Variants in ERBIN observed in about 807,000 individuals in gnomAD.
ERBIN encodes densin-180-like protein.
A neutral mutation model predicts 158.4 loss-of-function variants in ERBIN; 60 were observed. That is an observed-to-expected ratio of 0.38 (90% CI 0.31 to 0.47). The LOEUF is 0.47. Ranked by LOEUF, ERBIN falls within the 20% of genes least tolerant of loss-of-function variation. The probability of loss-of-function intolerance (pLI) is 0.99; values close to 1 mark genes in which losing one functional copy is unlikely to be tolerated. For missense variants in ERBIN, 1,610 were observed against 1,648.0 expected (o/e 0.98, Z 0.40); for synonymous variants, 594 against 557.2 (o/e 1.07, Z -0.93).
At position 66,006,343 on chromosome 5, in the gene ERBIN, T is replaced by G. The variant is rs564095137; in HGVS notation, c.308-5706T>G. On this transcript the variant is annotated intron_variant, in intron 4 of 25. Transcript: ENST00000284037. ...GCTGGGAAAACTGGCTAGCCATATG[T>G]AGAAAGCTGAAACTGGATCCCTTCC... 8.7e-4 allele frequency among the ~76,000 whole-genome samples: 133 copies of G among 152,302 alleles called. 1 individual carries two copies. Among genetic ancestry groups the G allele is most frequent in the Middle Eastern group, 3.4e-3 (1 of 294 alleles).
chr5:66,068,676 T>C (rs1160460242), intron 21 of ERBIN, among the ~76,000 whole-genome samples: 4 of 152,240 alleles, frequency 2.6e-5, no homozygotes, highest in African/African-American at 9.6e-5. Context: ...TGGTTGTATT[T>C]ACGTGTAATT....
At chr5:65,957,238 A>G (rs1373348806) in intron 1 of ERBIN, among the ~76,000 whole-genome samples, 4 of 146,016 alleles carry the variant, frequency 2.7e-5, no homozygotes, top group East Asian at 2.0e-4. Context: ...TATTTTTTTT[A>G]TTGATCATTC....
At chr5:66,046,739 C>T (rs1018859983) in intron 18 of ERBIN, among the ~76,000 whole-genome samples, 5 of 151,988 alleles carry the variant, frequency 3.3e-5, no homozygotes, top group South Asian at 2.1e-4. Flanking sequence ...GATGTTTATG[C>T]GAATTAGATT....
At chr5:65,964,860 C>T (rs981142244) in intron 1 of ERBIN, among the ~76,000 whole-genome samples, 2 of 150,500 alleles carry the variant, frequency 1.3e-5, no homozygotes, top group African/African-American at 4.9e-5. Flanking sequence ...CTGCCTCAGC[C>T]TCCCAAGTAG....
chr5:65,963,792 C>CTTTTTTTTT (rs5868429), intron 1 of ERBIN, among the ~76,000 whole-genome samples: 1 of 122,980 alleles, frequency 8.1e-6, no homozygotes, highest in Non-Finnish European at 1.8e-5. Context: ...TCTTTCTTTT[C>CTTTTTTTTT]TTTTTTTTTT....
At chr5:65,989,476 C>CT (rs1162882589) in intron 2 of ERBIN, among the ~76,000 whole-genome samples, 1 of 152,176 alleles carries the variant, frequency 6.6e-6, no homozygotes, top group Non-Finnish European at 1.5e-5. Flanking sequence ...GATTTCAACT[C>CT]TATTTAGCTT....
chr5:66,073,578 C>T, intron 22 of ERBIN, among the ~76,000 whole-genome samples: 1 of 152,130 alleles, frequency 6.6e-6, no homozygotes, highest in East Asian at 1.9e-4. Context: ...AAATAGAATG[C>T]CTTTTTTAAA....
intron 1 of ERBIN, among the ~76,000 whole-genome samples, chr5:65,948,761 C>CATTTT (rs1561282947): frequency 6.8e-5 from 3 of 44,424 alleles, no homozygotes; most frequent in African/African-American, 2.3e-4. Flanking sequence ...TTCTGTTTTG[C>CATTTT]GTTTTTTTTT....
chr5:66,036,876 A>G (rs10052942), intron 14 of ERBIN, among the ~76,000 whole-genome samples: 2,638 of 152,328 alleles, frequency 0.017, 79 homozygotes, highest in African/African-American at 0.061. Context: ...GAGAGGCCAG[A>G]TATACTGTTC....
intron 4 of ERBIN, among the ~76,000 whole-genome samples, chr5:66,008,258 T>G (rs2151093740): frequency 6.6e-6 from 1 of 152,046 alleles, no homozygotes; most frequent in East Asian, 1.9e-4. Context: ...ATAAAACCCC[T>G]AATATAAAAA....
At chr5:66,037,729 G>A (rs1757529871) in intron 14 of ERBIN, among the ~76,000 whole-genome samples, 1 of 152,020 alleles carries the variant, frequency 6.6e-6, no homozygotes, top group East Asian at 1.9e-4. Flanking sequence ...AGGATTTTAG[G>A]TGAATAGCAA....
intron 22 of ERBIN, among the ~76,000 whole-genome samples, chr5:66,074,579 GT>G: frequency 6.6e-6 from 1 of 152,228 alleles, no homozygotes; most frequent in Admixed American, 6.5e-5. Context: ...GAAGAAAAAC[GT>G]CAGCAAATGT....
chr5:65,928,451 G>A (rs1191936480), intron 1 of ERBIN, among the ~76,000 whole-genome samples: 1 of 152,086 alleles, frequency 6.6e-6, no homozygotes, highest in African/African-American at 2.4e-5. Flanking sequence ...TCCTTATATG[G>A]CTTATACTTG....
At position 66,043,100 on chromosome 5, in the gene ERBIN, A is replaced by C. The variant is rs764941805; in HGVS notation, c.1330A>C (p.Ser444Arg). Residue 444 changes from serine to arginine, a missense_variant, in exon 16 of 26, where the codon AGT becomes CGT. Ser to Arg is a moderately radical substitution (Grantham distance 110). This residue lies in a region of ERBIN where 596 missense variants were observed against 711.9 expected (regional missense o/e 0.84). Coordinates refer to ENST00000284037, the MANE Select transcript of ERBIN (RefSeq NM_001253697.2). ...AGTTATGTTTATATCAGATAATGAAAGTTTTAACCCTTCATTGTGGGAGGA... is the reference window on the plus strand; with the variant it reads ...AGTTATGTTTATATCAGATAATGAACGTTTTAACCCTTCATTGTGGGAGGA... ...EDVMFISDNE[S>R]FNPSLWEEQR... 3 of 1,604,196 alleles carry C rather than the reference A, an allele frequency of 1.9e-6. No individual in the cohort carries two copies. Among genetic ancestry groups the C allele is most frequent in the Non-Finnish European group, 2.6e-6 (3 of 1,171,848 alleles).
intron 4 of ERBIN, among the ~76,000 whole-genome samples, chr5:66,006,648 A>G (rs902687985): frequency 2.2e-4 from 33 of 152,316 alleles, no homozygotes; most frequent in African/African-American, 7.9e-4. Flanking sequence ...TACTTATCTG[A>G]CAAAGGGCTA....
intron 1 of ERBIN, among the ~76,000 whole-genome samples, chr5:65,950,246 C>T (rs1001895999): frequency 2.0e-5 from 3 of 152,162 alleles, no homozygotes; most frequent in African/African-American, 7.2e-5. Flanking sequence ...ACCTCGTGAT[C>T]CCCCTGCCTT....
chr5:66,044,115 T>G, intron 16 of ERBIN, 22 bp from the exon 17 acceptor site: 1 of 1,496,392 alleles, frequency 6.7e-7, no homozygotes, highest in Non-Finnish European at 8.9e-7. Context: ...TACTTCATAT[T>G]TTACTTATTT....
chr5:65,974,184 A>C (rs251324), intron 1 of ERBIN, among the ~76,000 whole-genome samples: 106,495 of 151,272 alleles, frequency 0.7, 39,789 homozygotes, highest in Non-Finnish European at 0.84. Context: ...AAAAATCCAT[A>C]TGTATATAAG....
At chr5:65,944,168 G>A (rs1043554403) in intron 1 of ERBIN, among the ~76,000 whole-genome samples, 3 of 150,964 alleles carry the variant, frequency 2.0e-5, no homozygotes, top group African/African-American at 7.3e-5. Context: ...ACACCGAAGC[G>A]GAATTGCTGG....
Sources: gnomAD v4.1 joint callset for allele counts (sites outside exome capture counted in the v4.1 genomes callset) on GRCh38, gnomAD v4.1.1 for gene constraint, gnomAD v4.1.1 regional missense constraint, MANE v1.5 for transcripts, NCBI Gene and HGNC (gene_info 2026-07-23, HGNC 2026-07-21) for gene names.